BMERB1: variants seen among roughly 807,000 people sequenced by gnomAD.
The protein encoded by BMERB1 is bMERB domain-containing protein 1.
In BMERB1, 12 loss-of-function variants were observed where a neutral mutation model predicts 23.6. The observed-to-expected ratio is 0.51, with a 90% CI of 0.33 to 0.82. The LOEUF is 0.82. Ranked by LOEUF, BMERB1 falls within the 40% of genes least tolerant of loss-of-function variation. The probability of loss-of-function intolerance (pLI) is 0.03; values close to 1 mark genes in which losing one functional copy is unlikely to be tolerated. For missense variants in BMERB1, 247 were observed against 255.4 expected (o/e 0.97, Z 0.22); for synonymous variants, 122 against 96.6 (o/e 1.26, Z -1.54).
intron 1 of BMERB1, among the ~76,000 whole-genome samples, chr16:15,511,765 A>T (rs548195486): frequency 6.6e-6 from 1 of 152,194 alleles, no homozygotes; most frequent in African/African-American, 2.4e-5. Context: ...TAATCCCAGC[A>T]CTTTGGGAAG....
At chr16:15,440,244 CAAAAAAAAAAAAA>C (rs57412464) in intron 1 of BMERB1, among the ~76,000 whole-genome samples, 1 of 64,668 alleles carries the variant, frequency 1.5e-5, no homozygotes, top group Non-Finnish European at 2.8e-5. Context: ...GACTTAATCT[CAAAAAAAAAAAAA>C]AAAAAAAAAA....
chr16:15,586,632 C>T (rs1167194016), intron 5 of BMERB1, 85 bp from the exon 6 acceptor site: 2 of 1,134,662 alleles, frequency 1.8e-6, no homozygotes, highest in East Asian at 2.6e-5. Context: ...TGGGGCTGGG[C>T]TGCAGATGGT....
chr16:15,560,664 C>G (rs2030390909), intron 2 of BMERB1, among the ~76,000 whole-genome samples: 1 of 151,808 alleles, frequency 6.6e-6, no homozygotes, highest in Non-Finnish European at 1.5e-5. Context: ...GTGGTGGCGC[C>G]TCCCTGTAGT....
intron 1 of BMERB1, among the ~76,000 whole-genome samples, chr16:15,479,583 C>T (rs1396870216): frequency 6.6e-6 from 1 of 152,050 alleles, no homozygotes; most frequent in East Asian, 1.9e-4. Flanking sequence ...TTAGATTTTC[C>T]TTATATACTC....
intron 2 of BMERB1, among the ~76,000 whole-genome samples, chr16:15,534,628 C>A (rs1303495018): frequency 6.6e-6 from 1 of 152,176 alleles, no homozygotes; most frequent in Non-Finnish European, 1.5e-5. Context: ...TAGAAATCCA[C>A]ATTTGACATT....
chr16:15,533,937 C>T (rs2051995388), intron 2 of BMERB1, among the ~76,000 whole-genome samples: 1 of 152,124 alleles, frequency 6.6e-6, no homozygotes, highest in Non-Finnish European at 1.5e-5. Context: ...CAAAATCCAG[C>T]TGTACAATGT....
chr16:15,504,292 A>T (rs1330370487), intron 1 of BMERB1, among the ~76,000 whole-genome samples: 1 of 152,160 alleles, frequency 6.6e-6, no homozygotes, highest in Non-Finnish European at 1.5e-5. Context: ...CTATTTTGCA[A>T]ATGTAACATC....
At chr16:15,481,170 G>A (rs978774276) in intron 1 of BMERB1, among the ~76,000 whole-genome samples, 1 of 152,056 alleles carries the variant, frequency 6.6e-6, no homozygotes, top group Non-Finnish European at 1.5e-5. Context: ...AAGTCACCAA[G>A]TGGAAAAACA....
At chr16:15,514,885 C>T (rs1389496702) in intron 1 of BMERB1, among the ~76,000 whole-genome samples, 1 of 152,148 alleles carries the variant, frequency 6.6e-6, no homozygotes, top group Non-Finnish European at 1.5e-5. Context: ...TCGAGACCAT[C>T]CTGGCTAACA....
intron 1 of BMERB1, among the ~76,000 whole-genome samples, chr16:15,476,840 A>G (rs1452765493): frequency 3.3e-5 from 5 of 152,108 alleles, no homozygotes; most frequent in Non-Finnish European, 7.4e-5. Flanking sequence ...ATTCCCATCT[A>G]TGTACCCCAG....
intron 2 of BMERB1, among the ~76,000 whole-genome samples, chr16:15,563,659 G>A (rs2030488207): frequency 6.6e-6 from 1 of 152,186 alleles, no homozygotes; most frequent in African/African-American, 2.4e-5. Flanking sequence ...GATGGAAGGC[G>A]AAGGGGAAGT....
At chr16:15,448,808 A>C (rs1441206486) in intron 1 of BMERB1, among the ~76,000 whole-genome samples, 1 of 152,128 alleles carries the variant, frequency 6.6e-6, no homozygotes, top group Admixed American at 6.6e-5. Context: ...AACTGAAAAA[A>C]CAAAGAGTTG....
chr16:15,563,075 CG>C (rs1567500136), intron 2 of BMERB1, among the ~76,000 whole-genome samples: 1 of 152,130 alleles, frequency 6.6e-6, no homozygotes, highest in African/African-American at 2.4e-5. Flanking sequence ...AGTCTGTTCT[CG>C]CATTTCTATA....
At chr16:15,443,108 C>T (rs762592780) in intron 1 of BMERB1, among the ~76,000 whole-genome samples, 60 of 152,032 alleles carry the variant, frequency 3.9e-4, no homozygotes, top group Non-Finnish European at 7.2e-4. Context: ...ATTAGCCAGG[C>T]ATAGTGGCAT....
intron 2 of BMERB1, among the ~76,000 whole-genome samples, chr16:15,542,521 C>T (rs890060616): frequency 1.7e-4 from 26 of 151,990 alleles, no homozygotes; most frequent in African/African-American, 9.7e-5. Context: ...ACAGTCCTAT[C>T]GCTCAGGAAA....
intron 2 of BMERB1, among the ~76,000 whole-genome samples, chr16:15,553,611 C>G (rs183413146): frequency 1.3e-5 from 2 of 152,342 alleles, no homozygotes; most frequent in East Asian, 3.9e-4. Context: ...TTCACAGATG[C>G]TGAACTTTGA....
chr16:15,545,200 T>C (rs2052122212), intron 2 of BMERB1, among the ~76,000 whole-genome samples: 3 of 152,058 alleles, frequency 2.0e-5, no homozygotes, highest in Admixed American at 6.6e-5. Context: ...CTCGAACTCC[T>C]GACCTCAAGT....
chr16:15,490,216 C>T (rs1398199326), intron 1 of BMERB1, among the ~76,000 whole-genome samples: 2 of 152,248 alleles, frequency 1.3e-5, no homozygotes, highest in Middle Eastern at 3.4e-3. Context: ...AGGACTTCAG[C>T]TTCTGGTTAC....
At chr16:15,537,215 T>A (rs2052033573) in intron 2 of BMERB1, among the ~76,000 whole-genome samples, 1 of 152,220 alleles carries the variant, frequency 6.6e-6, no homozygotes, top group African/African-American at 2.4e-5. Flanking sequence ...GAATTTGTCA[T>A]CATTCAATGA....
Sources: gnomAD v4.1 joint callset for allele counts (sites outside exome capture counted in the v4.1 genomes callset) on GRCh38, gnomAD v4.1.1 for gene constraint, MANE v1.5 for transcripts, NCBI Gene and HGNC (gene_info 2026-07-23, HGNC 2026-07-21) for gene names.